Variants in PTPRQ observed in about 807,000 individuals in gnomAD.
The protein encoded by PTPRQ is protein tyrosine phosphatase receptor type Q, also known as phosphatidylinositol phosphatase PTPRQ.
Under a neutral mutation model 246.0 loss-of-function variants are expected in PTPRQ, and 199 were observed. The observed-to-expected ratio is 0.81, with a 90% confidence interval of 0.72 to 0.91. PTPRQ has a LOEUF of 0.91. Ranked by LOEUF, PTPRQ falls within the 40% of genes least tolerant of loss-of-function variation. The pLI, the probability that PTPRQ is intolerant of heterozygous loss-of-function variation, is 0.00. For synonymous variants in PTPRQ, 869 were observed against 853.2 expected (o/e 1.02, Z -0.32); for missense variants, 2,624 against 2,528.4 (o/e 1.04, Z -0.81).
rs181238633 is a variant in PTPRQ, at chr12:80,570,428, T to G, written c.4286-17701T>G. Among the ~76,000 whole-genome samples the G allele has an allele frequency of 7.4e-3, 1,020 of 138,202 alleles. 12 individuals are homozygous for G. Among genetic ancestry groups the G allele is most frequent in the African/African-American group, 0.024 (971 of 40,796 alleles). 90.7% of individuals were successfully genotyped at this position (138,202 alleles called of 152,430 possible). ...TCCTTTGCCCACATTTTGATGGGGT[T>G]GTTTGTTTTTTTTCTTGTAAATTTG... On this transcript the variant is annotated intron_variant, in intron 25 of 44. Transcript: ENST00000644991.
At chr12:80,639,815 C>T (rs187785073) in intron 35 of PTPRQ, among the ~76,000 whole-genome samples, 16 of 152,244 alleles carry the variant, frequency 1.1e-4, no homozygotes, top group African/African-American at 3.1e-4. Flanking sequence ...ATAATAGCTA[C>T]TGTTTATGAG....
At chr12:80,455,537 C>T (rs998703505) in intron 3 of PTPRQ, among the ~76,000 whole-genome samples, 1 of 151,252 alleles carries the variant, frequency 6.6e-6, no homozygotes, top group African/African-American at 2.4e-5. Flanking sequence ...ACAAATATTT[C>T]TTGAACATTT....
intron 6 of PTPRQ, 117 bp from the exon 7 acceptor site, chr12:80,468,593 T>C: frequency 9.0e-7 from 1 of 1,110,812 alleles, no homozygotes; most frequent in Non-Finnish European, 1.2e-6. Context: ...AAAACTCTGC[T>C]TTTAAGCGCG....
intron 30 of PTPRQ, 33 bp downstream of exon 30, chr12:80,616,299 T>C (rs1259782972): frequency 1.4e-6 from 2 of 1,439,584 alleles, no homozygotes; most frequent in South Asian, 3.0e-5. Context: ...TATGAAATGC[T>C]ATTAATCAGT....
chr12:80,668,796 A>C (rs879817624), intron 39 of PTPRQ, among the ~76,000 whole-genome samples: 1 of 151,854 alleles, frequency 6.6e-6, no homozygotes, highest in Non-Finnish European at 1.5e-5. Context: ...GTTAGACATA[A>C]ATTTTGAGAA....
intron 6 of PTPRQ, 84 bp from the exon 7 acceptor site, chr12:80,468,626 C>A: frequency 8.0e-7 from 1 of 1,256,624 alleles, no homozygotes; most frequent in Non-Finnish European, 1.0e-6. Flanking sequence ...CCTTCTTTGC[C>A]TTTGTGTTTT....
intron 17 of PTPRQ, among the ~76,000 whole-genome samples, chr12:80,514,634 A>T (rs1895234483): frequency 2.8e-5 from 4 of 143,512 alleles, no homozygotes; most frequent in Admixed American, 2.1e-4. Context: ...ATTTTTAAAT[A>T]TATTTGTATA....
At chr12:80,550,167 C>G (rs1896430638) in intron 25 of PTPRQ, among the ~76,000 whole-genome samples, 1 of 152,122 alleles carries the variant, frequency 6.6e-6, no homozygotes, top group African/African-American at 2.4e-5. Flanking sequence ...TTTATACCAG[C>G]CTTTATCTTT....
chr12:80,533,921 A>G (rs1895913305), intron 17 of PTPRQ, 94 bp from the exon 18 acceptor site: 4 of 880,856 alleles, frequency 4.5e-6, no homozygotes, highest in Non-Finnish European at 6.3e-6. Context: ...AAATTTCCAT[A>G]TATTAATGTT....
At chr12:80,528,091 A>ATAAG (rs1377100421) in intron 17 of PTPRQ, among the ~76,000 whole-genome samples, 18 of 152,172 alleles carry the variant, frequency 1.2e-4, no homozygotes, top group African/African-American at 4.3e-4. Flanking sequence ...ACTCTGTCTC[A>ATAAG]TAAATAAATA....
intron 35 of PTPRQ, among the ~76,000 whole-genome samples, chr12:80,646,515 A>G (rs1900078908): frequency 6.6e-6 from 1 of 152,178 alleles, no homozygotes. Flanking sequence ...TTTATCCACC[A>G]ACTCTGGTTA....
intron 3 of PTPRQ, among the ~76,000 whole-genome samples, chr12:80,453,265 G>A (rs115790639): frequency 0.043 from 6,522 of 151,986 alleles, 478 homozygotes; most frequent in African/African-American, 0.15. Flanking sequence ...TTATACATTC[G>A]TCTACATTTT....
chr12:80,514,400 ACACTCT>A (rs1300293964), intron 17 of PTPRQ, among the ~76,000 whole-genome samples: 7 of 47,894 alleles, frequency 1.5e-4, no homozygotes, highest in East Asian at 1.0e-3. Flanking sequence ...ACACACACAC[ACACTCT>A]CTCTCTCTCT....
chr12:80,461,632 T>G (rs994506253), intron 6 of PTPRQ, among the ~76,000 whole-genome samples: 1 of 150,576 alleles, frequency 6.6e-6, no homozygotes, highest in Non-Finnish European at 1.5e-5. Flanking sequence ...TATATATAGC[T>G]GACAGATATA....
rs1358865443 is a variant in PTPRQ at position 80,608,542 on chromosome 12, G to GAGTATAATTTATAAATTTATAATTTATA, written c.4732-1880_4732-1879insTATAATTTATAAGTATAATTTATAAATT. On this transcript the variant is annotated intron_variant, in intron 27 of 44. Coordinates refer to ENST00000644991, the MANE Select transcript of PTPRQ (RefSeq NM_001145026.2). ...ATTGTTTTAATGGAAGGCATTGGAA[G>GAGTATAATTTATAAATTTATAATTTATA]AGTATAATTTATAAATTATACTTAT... 5.6e-4 allele frequency among the ~76,000 whole-genome samples: 71 copies of GAGTATAATTTATAAATTTATAATTTATA among 127,492 alleles called. No individual in the cohort carries two copies. The Admixed American group carries it at 5.8e-3, about 10-fold the overall frequency. 83.6% of individuals were successfully genotyped at this position (127,492 alleles called of 152,430 possible). A position where few individuals can be genotyped will look rare whatever the true frequency, so the allele number is the denominator to read the frequency against.
chr12:80,645,128 G>T (rs1009729676), intron 35 of PTPRQ, among the ~76,000 whole-genome samples: 2 of 151,994 alleles, frequency 1.3e-5, no homozygotes, highest in Admixed American at 1.3e-4. Flanking sequence ...TGATACAAAA[G>T]AAAATAAAGC....
intron 27 of PTPRQ, among the ~76,000 whole-genome samples, chr12:80,608,961 T>C (rs892598778): frequency 2.0e-5 from 3 of 150,706 alleles, no homozygotes; most frequent in Non-Finnish European, 3.0e-5. Context: ...ACTAGTTAAA[T>C]ACACATTTTC....
rs761729432 is a variant in PTPRQ at position 80,620,389 on chromosome 12, T to C, written c.5612+13T>C. ...AAAAGCAATACTTGTAAGTATAGGT[T>C]ATATCTACCATGCATTCTGTTAGCA... On this transcript the variant is annotated intron_variant, in intron 32 of 44. Transcript: ENST00000644991. The C allele has an allele frequency of 1.9e-6, 3 of 1,547,766 alleles. No individual in the cohort carries two copies. Among genetic ancestry groups the C allele is most frequent in the South Asian group, 1.2e-5 (1 of 83,716 alleles).
chr12:80,597,228 A>G (rs886103750), intron 26 of PTPRQ, among the ~76,000 whole-genome samples: 12 of 152,074 alleles, frequency 7.9e-5, no homozygotes, highest in Admixed American at 6.6e-4. Flanking sequence ...TACCCCAATT[A>G]TGCCTGCATA....
Sources: gnomAD v4.1 joint callset for allele counts (sites outside exome capture counted in the v4.1 genomes callset) on GRCh38, gnomAD v4.1.1 for gene constraint, MANE v1.5 for transcripts, NCBI Gene and HGNC (gene_info 2026-07-23, HGNC 2026-07-21) for gene names.